Variants in CDKN2B-AS1 observed in about 807,000 individuals in gnomAD.
CDKN2B-AS1 encodes the protein CDKN2B antisense RNA 1 (non-protein coding).
At chr9:22,008,110 G>A (rs1272770899) in intron 1 of CDKN2B-AS1, among the ~76,000 whole-genome samples, 1 of 152,196 alleles carries the variant, frequency 6.6e-6, no homozygotes, top group Non-Finnish European at 1.5e-5. Context: ...TTTTAACAAT[G>A]AAGATAAAGA....
intron 4 of CDKN2B-AS1, among the ~76,000 whole-genome samples, chr9:22,103,816 G>A (rs1035671463): frequency 2.0e-5 from 3 of 152,052 alleles, no homozygotes; most frequent in African/African-American, 7.3e-5. Flanking sequence ...ACACTAACAG[G>A]CACATTGGGG....
chr9:22,047,546 G>C (rs1823157251), intron 2 of CDKN2B-AS1, among the ~76,000 whole-genome samples: 1 of 152,048 alleles, frequency 6.6e-6, no homozygotes, highest in Non-Finnish European at 1.5e-5. Context: ...TAACATTATA[G>C]TACATTACAA....
At chr9:22,048,021 C>A (rs577019366) in intron 2 of CDKN2B-AS1, among the ~76,000 whole-genome samples, 29 of 151,988 alleles carry the variant, frequency 1.9e-4, no homozygotes, top group African/African-American at 5.8e-4. Flanking sequence ...TCTCGAGCTC[C>A]TAGGCTCAAG....
intron 4 of CDKN2B-AS1, among the ~76,000 whole-genome samples, chr9:22,125,986 C>G (rs1416099479): frequency 6.6e-6 from 1 of 152,158 alleles, no homozygotes; most frequent in Non-Finnish European, 1.5e-5. Context: ...GAAAAAACTA[C>G]TTACAGTTGA....
At chr9:22,033,825 C>T (rs79985856) in intron 1 of CDKN2B-AS1, among the ~76,000 whole-genome samples, 13,174 of 152,190 alleles carry the variant, frequency 0.087, 573 homozygotes, top group Middle Eastern at 0.13. Flanking sequence ...GTGCCTACTA[C>T]GTGCCAGATG....
chr9:22,104,860 A>C (rs979980265), intron 4 of CDKN2B-AS1, among the ~76,000 whole-genome samples: 64 of 152,362 alleles, frequency 4.2e-4, no homozygotes, highest in African/African-American at 1.5e-3. Flanking sequence ...TAAGAGCAAC[A>C]TATATTGAAT....
intron 4 of CDKN2B-AS1, among the ~76,000 whole-genome samples, chr9:22,122,739 T>C (rs1427441883): frequency 1.3e-5 from 2 of 152,210 alleles, no homozygotes; most frequent in Non-Finnish European, 2.9e-5. Context: ...TTCTCTATTC[T>C]GTTCTATTGA....
At chr9:22,055,820 C>A (rs577115436) in intron 3 of CDKN2B-AS1, among the ~76,000 whole-genome samples, 1 of 151,990 alleles carries the variant, frequency 6.6e-6, no homozygotes, top group Non-Finnish European at 1.5e-5. Context: ...CTACTGCATA[C>A]CAGACACTCG....
In CDKN2B-AS1 at chr9:22,090,942, G is replaced by A. The variant is rs567605745; in HGVS notation, n.438+34555G>A. On this transcript the variant is annotated intron_variant and non_coding_transcript_variant, in intron 4 of 4. Coordinates refer to ENST00000650946, the Ensembl canonical transcript of CDKN2B-AS1. ...ATGGTATTGCCTAGGTTTTCTTCTAGGGTTTTTATGGTTTTAGGTCTAACA... is the reference window on the plus strand; with the variant it reads ...ATGGTATTGCCTAGGTTTTCTTCTAAGGTTTTTATGGTTTTAGGTCTAACA... Among the ~76,000 whole-genome samples the A allele has an allele frequency of 1.8e-3, 278 of 152,224 alleles. 3 individuals carry two copies. In the Middle Eastern group the frequency reaches 0.02, roughly 11 times the overall value.
chr9:22,124,676 A>T (rs1049065327), intron 4 of CDKN2B-AS1, among the ~76,000 whole-genome samples: 1 of 152,170 alleles, frequency 6.6e-6, no homozygotes, highest in African/African-American at 2.4e-5. Flanking sequence ...CATATTTATT[A>T]TGTGGAACTA....
chr9:22,081,177 T>C (rs1824679959), intron 4 of CDKN2B-AS1, among the ~76,000 whole-genome samples: 1 of 152,188 alleles, frequency 6.6e-6, no homozygotes, highest in African/African-American at 2.4e-5. Context: ...GAAGTTGTCA[T>C]GTACATTTTG....
chr9:22,103,946 A>G (rs1362866623), intron 4 of CDKN2B-AS1, among the ~76,000 whole-genome samples: 4 of 152,258 alleles, frequency 2.6e-5, no homozygotes, highest in African/African-American at 4.8e-5. Context: ...AGCTTTTCTT[A>G]TCAGAATTTT....
At chr9:22,108,469 C>G (rs145868157) in intron 4 of CDKN2B-AS1, among the ~76,000 whole-genome samples, 87 of 152,336 alleles carry the variant, frequency 5.7e-4, no homozygotes, top group African/African-American at 2.1e-3. Context: ...CTGCCTTCAG[C>G]TGTACCAGTA....
intron 1 of CDKN2B-AS1, among the ~76,000 whole-genome samples, chr9:22,013,010 CAG>C (rs1282661883): frequency 1.3e-5 from 2 of 152,204 alleles, no homozygotes; most frequent in African/African-American, 4.8e-5. Context: ...TTTATTTTCT[CAG>C]AGTTTTAACT....
chr9:22,126,408 T>C (rs541335817), intron 4 of CDKN2B-AS1, among the ~76,000 whole-genome samples: 18 of 152,250 alleles, frequency 1.2e-4, no homozygotes, highest in Admixed American at 1.0e-3. Flanking sequence ...GTGTATGTAT[T>C]CTTTTCAAAA....
chr9:22,063,358 A>G (rs1313548060), intron 4 of CDKN2B-AS1, among the ~76,000 whole-genome samples: 2 of 152,162 alleles, frequency 1.3e-5, no homozygotes, highest in Admixed American at 6.5e-5. Context: ...TTAATGAAGA[A>G]GAAAATTATG....
At chr9:22,060,469 C>T (rs891509735) in intron 4 of CDKN2B-AS1, among the ~76,000 whole-genome samples, 1 of 152,194 alleles carries the variant, frequency 6.6e-6, no homozygotes, top group Admixed American at 6.5e-5. Flanking sequence ...TTGTCCATAT[C>T]GCTGTTGGCA....
chr9:22,106,324 G>A (rs187024780), intron 4 of CDKN2B-AS1, among the ~76,000 whole-genome samples: 310 of 151,996 alleles, frequency 2.0e-3, no homozygotes, highest in African/African-American at 7.0e-3. Flanking sequence ...CTCATGATCC[G>A]CCCGCCTCAG....
chr9:22,092,477 A>G (rs1825126047), intron 4 of CDKN2B-AS1: 1 of 152,140 alleles, frequency 6.6e-6, no homozygotes, highest in Non-Finnish European at 1.5e-5. Context: ...TTGGTAAGCT[A>G]TTAATTATTG....
Sources: gnomAD v4.1 joint callset for allele counts (sites outside exome capture counted in the v4.1 genomes callset) on GRCh38, gnomAD v4.1.1 for gene constraint, MANE v1.5 for transcripts, NCBI Gene and HGNC (gene_info 2026-07-23, HGNC 2026-07-21) for gene names.